FAT3: variants seen among roughly 807,000 people sequenced by gnomAD.
FAT3 encodes protocadherin Fat 3.
A neutral mutation model predicts 310.2 loss-of-function variants in FAT3; 95 were observed. That is an observed-to-expected ratio of 0.31 (90% CI 0.26 to 0.36). The LOEUF (loss-of-function observed/expected upper bound fraction) is 0.36. Ranked by LOEUF, FAT3 falls within the 10% of genes least tolerant of loss-of-function variation. The pLI is 1.00. For synonymous variants in FAT3, 2,314 were observed against 2,192.9 expected, an observed-to-expected ratio of 1.06 and a Z score of -1.54; for missense variants, 5,408 against 5,715.6, an observed-to-expected ratio of 0.95 and a Z score of 1.74.
chr11:92,551,414 T>TTGTTTTGTGTGTGGGTG (rs35238743), intron 3 of FAT3, among the ~76,000 whole-genome samples: 1 of 128,876 alleles, frequency 7.8e-6, no homozygotes, highest in Non-Finnish European at 1.6e-5. Flanking sequence ...TTTTTTTGTT[T>TTGTTTTGTGTGTGGGTG]TGTGTGTGTG....
At chr11:92,303,450 C>A (rs76550312) in intron 1 of FAT3, among the ~76,000 whole-genome samples, 1 of 152,200 alleles carries the variant, frequency 6.6e-6, no homozygotes, top group South Asian at 2.1e-4. Context: ...AGAAAACATA[C>A]AGTTTCTGAC....
At chr11:92,315,635 C>T (rs67996738) in intron 1 of FAT3, among the ~76,000 whole-genome samples, 9,495 of 150,722 alleles carry the variant, frequency 0.063, 458 homozygotes, top group African/African-American at 0.13. Context: ...GTGATCCTCC[C>T]GCCTCAGCCT....
intron 3 of FAT3, among the ~76,000 whole-genome samples, chr11:92,643,651 CAG>C (rs1942042392): frequency 6.6e-6 from 1 of 152,156 alleles, no homozygotes; most frequent in Non-Finnish European, 1.5e-5. Context: ...TATATACACT[CAG>C]AGATAGATGA....
intron 1 of FAT3, among the ~76,000 whole-genome samples, chr11:92,291,747 C>T (rs543589733): frequency 6.6e-6 from 1 of 152,166 alleles, no homozygotes; most frequent in South Asian, 2.1e-4. Flanking sequence ...ACTTTTCTCA[C>T]CATTGGTGCT....
intron 2 of FAT3, among the ~76,000 whole-genome samples, chr11:92,399,042 A>T (rs1347751326): frequency 6.6e-6 from 1 of 152,236 alleles, no homozygotes; most frequent in African/African-American, 2.4e-5. Flanking sequence ...CAATGAAACT[A>T]TATAGAATCC....
chr11:92,507,949 C>T (rs1286210962), intron 2 of FAT3, among the ~76,000 whole-genome samples: 1 of 151,832 alleles, frequency 6.6e-6, no homozygotes, highest in African/African-American at 2.4e-5. Context: ...CAACACTGGT[C>T]AAAGGAAAAG....
intron 2 of FAT3, among the ~76,000 whole-genome samples, chr11:92,391,959 T>A (rs1344093201): frequency 6.6e-6 from 1 of 152,196 alleles, no homozygotes; most frequent in Non-Finnish European, 1.5e-5. Flanking sequence ...AGAGGTGCAC[T>A]ACTGTCTGGT....
chr11:92,718,547 G>A (rs549265073), intron 4 of FAT3, among the ~76,000 whole-genome samples: 1 of 152,210 alleles, frequency 6.6e-6, no homozygotes, highest in South Asian at 2.1e-4. Context: ...ATGAAAAATG[G>A]CATCAATCTT....
At chr11:92,237,920 A>G (rs1006258456) in intron 1 of FAT3, among the ~76,000 whole-genome samples, 2 of 152,110 alleles carry the variant, frequency 1.3e-5, no homozygotes, top group African/African-American at 4.8e-5. Context: ...GAAAATAGCT[A>G]TGATTTATTG....
Position 92,257,006 on chromosome 11 carries a change from C to T in FAT3, c.-18+31832C>T, listed in dbSNP as rs201082539. Among the ~76,000 whole-genome samples, 15 of 152,160 alleles carry T rather than the reference C, an allele frequency of 9.9e-5. No individual in the cohort carries two copies. In the East Asian group the frequency reaches 2.7e-3, roughly 28 times the overall value. On this transcript the variant is annotated intron_variant, in intron 1 of 27. Transcript: ENST00000525166. ...GAACAAACTTTGCTCCTCTTCCTTA[C>T]TGAATTTTTGAGGGTTTTAGAACTC...
At position 92,778,788 on chromosome 11, in the gene FAT3, A is replaced by T. The variant is rs1591720066; in HGVS notation, c.4335+4608A>T. Among the ~76,000 whole-genome samples the T allele has an allele frequency of 3.3e-5, 5 of 151,938 alleles. No homozygotes were observed. In the Middle Eastern group the frequency reaches 0.014, roughly 413 times the overall value. ...GAAACATATGCACACACCTGGGGGG[A>T]TCATTGTCCTCTGAAGGCTCCCCAG... On this transcript the variant is annotated intron_variant, in intron 7 of 27. Coordinates refer to ENST00000525166, the MANE Select transcript of FAT3 (RefSeq NM_001367949.2).
intron 2 of FAT3, among the ~76,000 whole-genome samples, chr11:92,415,849 CTTTTTTTTTTTTTT>C (rs1196695394): frequency 1.4e-5 from 1 of 70,440 alleles, no homozygotes; most frequent in Non-Finnish European, 2.8e-5. Context: ...AGCATTTTTG[CTTTTTTTTTTTTTT>C]TTTTTTTTTT....
In FAT3 at chr11:92,564,249, A is replaced by T. The variant is rs549262409; in HGVS notation, c.3607+39301A>T. Among the ~76,000 whole-genome samples the T allele has an allele frequency of 2.3e-4, 35 of 152,110 alleles. No homozygotes were observed. The East Asian group carries it at 6.6e-3, about 29-fold the overall frequency. Reference sequence around the variant, plus strand: ...AGGGGTTGCAATCCTAGTCTCTGATAAAACAGACTTTAAACCAACAAAGAT... The same window carrying T: ...AGGGGTTGCAATCCTAGTCTCTGATTAAACAGACTTTAAACCAACAAAGAT... On this transcript the variant is annotated intron_variant, in intron 3 of 27. Transcript: ENST00000525166.
chr11:92,793,525 G>T (rs1458906552), intron 9 of FAT3, among the ~76,000 whole-genome samples: 1 of 152,004 alleles, frequency 6.6e-6, no homozygotes, highest in Non-Finnish European at 1.5e-5. Context: ...ATAAATACAG[G>T]CTCTTGTTTT....
intron 4 of FAT3, among the ~76,000 whole-genome samples, chr11:92,728,212 C>G (rs1326986810): frequency 2.6e-5 from 4 of 152,166 alleles, no homozygotes; most frequent in Non-Finnish European, 5.9e-5. Context: ...AAGAGGAGTT[C>G]TAAATAGTTA....
At chr11:92,868,979 C>T (rs1949317387) in intron 22 of FAT3, among the ~76,000 whole-genome samples, 1 of 152,164 alleles carries the variant, frequency 6.6e-6, no homozygotes, top group Non-Finnish European at 1.5e-5. Context: ...TCTTGCCCTC[C>T]CTAGGGCCCC....
chr11:92,272,332 C>T, intron 1 of FAT3, among the ~76,000 whole-genome samples: 1 of 152,076 alleles, frequency 6.6e-6, no homozygotes, highest in Non-Finnish European at 1.5e-5. Flanking sequence ...GTTAAGGATT[C>T]TCTGTTCCAG....
chr11:92,893,483 C>T lies in FAT3; in HGVS notation c.*2370C>T, dbSNP rs993586344. Reference sequence around the variant, plus strand: ...AGTAAAACCAACATGTCATTTCCTGCCCCCAGGAAATATTAGAATGAGATT... The same window carrying T: ...AGTAAAACCAACATGTCATTTCCTGTCCCCAGGAAATATTAGAATGAGATT... On this transcript the variant is annotated 3_prime_UTR_variant, in exon 28 of 28. Coordinates refer to ENST00000525166, the MANE Select transcript of FAT3 (RefSeq NM_001367949.2). The T allele has an allele frequency of 6.6e-6, 1 of 152,148 alleles. No homozygotes were observed. Among genetic ancestry groups the T allele is most frequent in the Non-Finnish European group, 1.5e-5 (1 of 68,034 alleles). The allele number at this position is 152,148 out of a possible 1,614,324, so 9.4% of individuals were successfully genotyped here. A position where few individuals can be genotyped will look rare whatever the true frequency, so the allele number is the denominator to read the frequency against.
chr11:92,477,620 T>C (rs1031603615), intron 2 of FAT3, among the ~76,000 whole-genome samples: 1 of 152,258 alleles, frequency 6.6e-6, no homozygotes, highest in African/African-American at 2.4e-5. Flanking sequence ...TTATTTATTT[T>C]ACTGTCTGTG....
Sources: allele counts gnomAD v4.1 joint callset (sites outside exome capture counted in the v4.1 genomes callset), GRCh38; gene constraint gnomAD v4.1.1; transcripts MANE v1.5; gene names NCBI Gene and HGNC (gene_info 2026-07-23, HGNC 2026-07-21).